BMP2K: variants seen among roughly 807,000 people sequenced by gnomAD.
BMP2K encodes the protein BMP-2-inducible protein kinase.
In BMP2K, 74 loss-of-function variants were observed where a neutral mutation model predicts 116.0. The ratio of observed to expected loss-of-function variants is 0.64; its 90% CI spans 0.53 to 0.77. The LOEUF (loss-of-function observed/expected upper bound fraction) is 0.77, where lower values mean the gene tolerates loss of function less well. BMP2K is among the 30% of genes least tolerant of loss of function. The pLI is 0.00. For missense variants in BMP2K, 1,365 were observed against 1,403.6 expected, an observed-to-expected ratio of 0.97 and a Z score of 0.44; for synonymous variants, 486 against 502.5, an observed-to-expected ratio of 0.97 and a Z score of 0.44.
At chr4:78,838,989 A>G (rs1309939084) in intron 3 of BMP2K, among the ~76,000 whole-genome samples, 1 of 152,218 alleles carries the variant, frequency 6.6e-6, no homozygotes, top group Non-Finnish European at 1.5e-5. Flanking sequence ...GTAAATTATG[A>G]AAATTTATTA....
At position 78,776,534 on chromosome 4, in the gene BMP2K, C is replaced by T. The variant is rs559454547; in HGVS notation, c.-10C>T. The T allele has an allele frequency of 1.8e-6, 2 of 1,135,550 alleles. No individual in the cohort carries two copies. The highest frequency in any genetic ancestry group is 4.8e-5 in the Admixed American group (1 of 20,678). The allele number at this position is 1,135,550 out of a possible 1,614,324, so 70.3% of individuals were successfully genotyped here. A position where few individuals can be genotyped will look rare whatever the true frequency, so the allele number is the denominator to read the frequency against. ...ACGCTCCCTGCGCCCTCCAGCTCGC[C>T]GGCGGGACCATGAAGAAGTTCTCTC... On this transcript the variant is annotated 5_prime_UTR_variant, in exon 1 of 16. Transcript: ENST00000502613.
intron 1 of BMP2K, among the ~76,000 whole-genome samples, chr4:78,789,979 T>C (rs1310990366): frequency 6.6e-6 from 1 of 152,234 alleles, no homozygotes. Context: ...TTTTACCTGA[T>C]AAATTTATGT....
At chr4:78,893,155 G>A (rs569169301) in intron 15 of BMP2K, among the ~76,000 whole-genome samples, 1 of 152,252 alleles carries the variant, frequency 6.6e-6, no homozygotes, top group Non-Finnish European at 1.5e-5. Flanking sequence ...CTAAATTCTT[G>A]GAGTCATTTC....
chr4:78,800,090 A>G (rs1191980441), intron 1 of BMP2K, among the ~76,000 whole-genome samples: 1 of 152,222 alleles, frequency 6.6e-6, no homozygotes, highest in Non-Finnish European at 1.5e-5. Flanking sequence ...TAACATCAAG[A>G]TAAACCTATT....
intron 7 of BMP2K, among the ~76,000 whole-genome samples, chr4:78,856,871 T>A (rs1354316277): frequency 6.6e-6 from 1 of 152,144 alleles, no homozygotes; most frequent in Non-Finnish European, 1.5e-5. Flanking sequence ...ATGTATGTTC[T>A]TAAAATAACC....
rs1731673416 is a variant in BMP2K, at chr4:78,859,661, AAGG to A, written c.963_965del (p.Lys321_Asp322delinsAsn). 1 of 1,608,178 alleles carries A rather than the reference AAGG, an allele frequency of 6.2e-7. No individual in the cohort carries two copies. The highest frequency in any genetic ancestry group is 1.7e-5 in the Admixed American group (1 of 59,768). On this transcript the variant is annotated inframe_deletion, in exon 8 of 16. Transcript: ENST00000502613. ...ATATTTTGCATTTAAATTTGCCAAAAAGGATTGTCCAGTCTCCAACATCAATGT... is the reference window on the plus strand; with the variant it reads ...ATATTTTGCATTTAAATTTGCCAAAAATTGTCCAGTCTCCAACATCAATGT...
intron 1 of BMP2K, among the ~76,000 whole-genome samples, chr4:78,799,132 C>T (rs1461046707): frequency 6.6e-6 from 1 of 152,114 alleles, no homozygotes; most frequent in Non-Finnish European, 1.5e-5. Context: ...GGCCAGGTTC[C>T]CTTAGAAGCC....
Position 78,908,009 on chromosome 4 carries a change from A to G in BMP2K, c.2063-2601A>G, listed in dbSNP as rs1242484670. The stretch of plus-strand genomic sequence containing the variant: ...ATATTTTGCTTTTGAATAAAAATTC[A>G]TAAAAATAAATTCACTAAAATTAAC... On this transcript the variant is annotated intron_variant, in intron 15 of 15. Coordinates refer to ENST00000502613, the MANE Select transcript of BMP2K (RefSeq NM_198892.2). 2.6e-5 allele frequency among the ~76,000 whole-genome samples: 4 copies of G among 152,198 alleles called. No individual in the cohort carries two copies. In the East Asian group the frequency reaches 7.7e-4, roughly 29 times the overall value.
At chr4:78,803,797 T>C (rs1006029693) in intron 1 of BMP2K, among the ~76,000 whole-genome samples, 15 of 152,228 alleles carry the variant, frequency 9.9e-5, no homozygotes, top group African/African-American at 3.6e-4. Flanking sequence ...GGGTGAGTTA[T>C]GAACCTAAGA....
intron 13 of BMP2K, among the ~76,000 whole-genome samples, chr4:78,873,967 C>A (rs1013109393): frequency 1.5e-4 from 23 of 152,058 alleles, no homozygotes; most frequent in African/African-American, 5.6e-4. Flanking sequence ...ATCACGAGGT[C>A]AGGAGATCAA....
intron 1 of BMP2K, among the ~76,000 whole-genome samples, chr4:78,808,857 C>T (rs1033381346): frequency 6.6e-6 from 1 of 151,898 alleles, no homozygotes; most frequent in African/African-American, 2.4e-5. Flanking sequence ...TTTATGGAGG[C>T]CAGTTTTATG....
chr4:78,912,127 A>G lies in BMP2K; in HGVS notation c.*94A>G. ...AGAAAATTTGGTAGCTCTTTATAGC[A>G]TTCATTCTTAAAGATCAGTCAGAAT... On this transcript the variant is annotated 3_prime_UTR_variant, in exon 16 of 16. Coordinates refer to ENST00000502613, the MANE Select transcript of BMP2K (RefSeq NM_198892.2). 3.9e-6 allele frequency: 4 copies of G among 1,024,704 alleles called. No individual in the cohort carries two copies. Among genetic ancestry groups the G allele is most frequent in the Non-Finnish European group, 4.2e-6 (3 of 721,222 alleles). The allele number at this position is 1,024,704 out of a possible 1,614,324, so 63.5% of individuals were successfully genotyped here. A position where few individuals can be genotyped will look rare whatever the true frequency, so the allele number is the denominator to read the frequency against.
At chr4:78,881,169 G>T (rs572679545) in intron 14 of BMP2K, among the ~76,000 whole-genome samples, 1 of 152,300 alleles carries the variant, frequency 6.6e-6, no homozygotes, top group Non-Finnish European at 1.5e-5. Flanking sequence ...ATTAAATGAT[G>T]TCTTTAAATT....
At chr4:78,808,514 C>T (rs1271283309) in intron 1 of BMP2K, among the ~76,000 whole-genome samples, 1 of 152,062 alleles carries the variant, frequency 6.6e-6, no homozygotes, top group Non-Finnish European at 1.5e-5. Context: ...GATCCGTCCG[C>T]CTCAGCCTCC....
chr4:78,870,605 T>G (rs1426547489), intron 10 of BMP2K, among the ~76,000 whole-genome samples, 178 bp from the exon 11 acceptor site: 3 of 152,196 alleles, frequency 2.0e-5, no homozygotes, highest in Admixed American at 6.5e-5. Context: ...AAATTAAGCT[T>G]CTTCGGTACT....
chr4:78,821,416 T>C (rs954175836), intron 1 of BMP2K, among the ~76,000 whole-genome samples: 2 of 152,182 alleles, frequency 1.3e-5, no homozygotes, highest in African/African-American at 4.8e-5. Flanking sequence ...TGACTACCCC[T>C]GTATGTCTGG....
intron 14 of BMP2K, chr4:78,879,168 A>G: frequency 2.7e-6 from 3 of 1,119,198 alleles, no homozygotes; most frequent in Non-Finnish European, 3.3e-6. Flanking sequence ...AATTCAGAAT[A>G]TCTCTAAAAC....
rs752479560 is a variant in BMP2K at position 78,872,642 on chromosome 4, A to G, written c.1637A>G (p.Gln546Arg). ...MMPQYQQAFFQQQMLAQHQPS... is the reference protein window; with the variant it reads ...MMPQYQQAFFRQQMLAQHQPS... ...CCGCAGTATCAGCAGGCTTTCTTTCAACAGCAGATGCTAGCTCAACATCAG... is the reference window on the plus strand; with the variant it reads ...CCGCAGTATCAGCAGGCTTTCTTTCGACAGCAGATGCTAGCTCAACATCAG... Residue 546 changes from glutamine to arginine, a missense_variant, in exon 13 of 16, where the codon CAA becomes CGA. This residue lies in a region of BMP2K where 762 missense variants were observed against 756.7 expected (regional missense o/e 1.01). Coordinates refer to ENST00000502613, the MANE Select transcript of BMP2K (RefSeq NM_198892.2). 21 of 1,614,044 alleles carry G rather than the reference A, an allele frequency of 1.3e-5. No homozygotes were observed. The South Asian group carries it at 2.3e-4, about 18-fold the overall frequency.
intron 1 of BMP2K, among the ~76,000 whole-genome samples, chr4:78,782,940 A>G (rs1394720450): frequency 6.6e-6 from 1 of 152,198 alleles, no homozygotes; most frequent in African/African-American, 2.4e-5. Flanking sequence ...CTTCTGAAAC[A>G]AGGAGTTAAT....
Sources: gnomAD v4.1 joint callset for allele counts (sites outside exome capture counted in the v4.1 genomes callset) on GRCh38, gnomAD v4.1.1 for gene constraint, gnomAD v4.1.1 regional missense constraint, MANE v1.5 for transcripts, NCBI Gene and HGNC (gene_info 2026-07-23, HGNC 2026-07-21) for gene names.